The following SRR variants were observed in gnomAD, a reference collection of about 807,000 sequenced individuals.
The protein encoded by SRR is D-serine ammonia-lyase.
Under a neutral mutation model 32.7 loss-of-function variants are expected in SRR, and 19 were observed. The ratio of observed to expected loss-of-function variants is 0.58; its 90% CI spans 0.40 to 0.85. SRR has a LOEUF of 0.85. Among genes scored for constraint, SRR ranks in the 40% least tolerant of loss-of-function variants. The pLI, the probability that SRR is intolerant of heterozygous loss-of-function variation, is 0.00. For missense variants in SRR, 373 were observed against 404.7 expected, an observed-to-expected ratio of 0.92 and a Z score of 0.67; for synonymous variants, 142 against 140.9, an observed-to-expected ratio of 1.01 and a Z score of -0.06.
chr17:2,318,292 G>A (rs369287566), intron 3 of SRR, among the ~76,000 whole-genome samples: 31 of 151,408 alleles, frequency 2.0e-4, no homozygotes, highest in African/African-American at 4.6e-4. Context: ...CTACAGGTGC[G>A]CACCACCACG....
intron 2 of SRR, among the ~76,000 whole-genome samples, chr17:2,316,152 T>TA (rs1476917824): frequency 6.6e-6 from 1 of 152,188 alleles, no homozygotes; most frequent in Non-Finnish European, 1.5e-5. Context: ...CTCATTGTGT[T>TA]ATAGCTGCCT....
intron 1 of SRR, among the ~76,000 whole-genome samples, chr17:2,312,456 G>A (rs375404340): frequency 5.3e-5 from 8 of 151,796 alleles, no homozygotes; most frequent in South Asian, 2.1e-4. Flanking sequence ...TTAGCCTGGC[G>A]TGGTGGCACA....
At chr17:2,322,667 GTTTTT>G (rs1168184218) in intron 6 of SRR, 2 of 90,874 alleles carry the variant, frequency 2.2e-5, no homozygotes, top group African/African-American at 4.0e-5. Context: ...TGCCTGGCTA[GTTTTT>G]TTTTGTTTTT....
intron 4 of SRR, among the ~76,000 whole-genome samples, chr17:2,319,213 A>G (rs1345628661): frequency 6.6e-6 from 1 of 152,164 alleles, no homozygotes; most frequent in Non-Finnish European, 1.5e-5. Context: ...AAGGCATCTC[A>G]AACTACAGCT....
At chr17:2,310,705 A>G (rs1004544059) in intron 1 of SRR, among the ~76,000 whole-genome samples, 2 of 151,834 alleles carry the variant, frequency 1.3e-5, no homozygotes, top group Non-Finnish European at 2.9e-5. Flanking sequence ...CAGCCTCCCT[A>G]GTAGCTGGGA....
In SRR at chr17:2,321,679, C is replaced by G. The variant is rs537639330; in HGVS notation, c.594+63C>G. 3 of 1,466,592 alleles carry G rather than the reference C, an allele frequency of 2.0e-6. No homozygotes were observed. In the Admixed American group the frequency reaches 5.0e-5, roughly 25 times the overall value. 90.8% of individuals were successfully genotyped at this position (1,466,592 alleles called of 1,614,324 possible). A position where few individuals can be genotyped will look rare whatever the true frequency, so the allele number is the denominator to read the frequency against. ...GGATTTACTTTACATCCTAAATGTTCTGTATACACGTGCTCAACATTCTGC... is the reference window on the plus strand; with the variant it reads ...GGATTTACTTTACATCCTAAATGTTGTGTATACACGTGCTCAACATTCTGC... On this transcript the variant is annotated intron_variant, in intron 6 of 7. Transcript: ENST00000344595.
intron 1 of SRR, chr17:2,307,673 C>T (rs1473419933): frequency 2.7e-5 from 26 of 981,070 alleles, no homozygotes; most frequent in South Asian, 1.5e-4. Flanking sequence ...GTGGCTATGG[C>T]GGTTCCAGTA....
rs374791115 is a variant in SRR at position 2,323,370 on chromosome 17, T to C, written c.804+25T>C. The C allele has an allele frequency of 3.1e-5, 50 of 1,612,932 alleles. No individual in the cohort carries two copies. The African/African-American group carries it at 5.6e-4, about 18-fold the overall frequency. On this transcript the variant is annotated intron_variant, in intron 7 of 7. Transcript: ENST00000344595. ...GGTGAGGCTCCAGCAAGAAAAGAAATAGCAAAGCATGGTGTAACTTCTTAG... is the reference window on the plus strand; with the variant it reads ...GGTGAGGCTCCAGCAAGAAAAGAAACAGCAAAGCATGGTGTAACTTCTTAG...
intron 1 of SRR, among the ~76,000 whole-genome samples, chr17:2,313,834 CAA>C (rs2075451068): frequency 6.6e-6 from 1 of 152,098 alleles, no homozygotes; most frequent in Admixed American, 6.5e-5. Context: ...CCAAACCTAC[CAA>C]AGAGTTTTGT....
rs745783554 is a variant in SRR, at chr17:2,318,926, T to C, written c.396T>C (p.Asp132=). The C allele has an allele frequency of 1.2e-6, 2 of 1,608,844 alleles. No individual in the cohort carries two copies. The highest frequency in any genetic ancestry group is 2.2e-5 in the East Asian group (1 of 44,838). The change falls in exon 4 of 8, where the codon GAT becomes GAC. Residue 132 remains aspartate (D), a synonymous_variant. Transcript: ENST00000344595. ...GASIVYCEPS[D]ESRENVAKRV... is the part of the protein sequence containing the mutation. The stretch of plus-strand genomic sequence containing the variant: ...CAATTGTATACTGTGAACCTAGTGA[T>C]GAGGTAAGGAGAGCAGTGCTTGGTA...
chr17:2,317,809 T>C, intron 2 of SRR, 61 bp from the exon 3 acceptor site: 4 of 1,563,496 alleles, frequency 2.6e-6, no homozygotes, highest in Non-Finnish European at 3.5e-6. Flanking sequence ...CTAGAAAAGC[T>C]CCTTGCTTTC....
chr17:2,323,381 G>A, intron 7 of SRR, 36 bp downstream of exon 7: 1 of 1,611,544 alleles, frequency 6.2e-7, no homozygotes, highest in South Asian at 1.1e-5. Flanking sequence ...AGCAAAGCAT[G>A]GTGTAACTTC....
rs199812387 is a variant in SRR, at chr17:2,317,928, C to T, written c.227C>T (p.Pro76Leu). 6.8e-6 allele frequency: 11 copies of T among 1,613,880 alleles called. No homozygotes were observed. The highest frequency in any genetic ancestry group is 4.0e-5 in the African/African-American group (3 of 74,964). ...SLVPDALERK[P>L]KAVVTHSSGN... is the part of the protein sequence containing the mutation. ...GTTCCTGATGCTTTAGAAAGGAAGC[C>T]GAAAGCTGTTGTTACTCACAGCAGT... The change falls in exon 3 of 8, where the codon CCG becomes CTG. Residue 76 changes from proline to leucine, a missense_variant. Physicochemically the swap from Pro to Leu is moderately conservative, Grantham distance 98. Transcript: ENST00000344595.
At chr17:2,308,578 G>T (rs1390296666) in intron 1 of SRR, among the ~76,000 whole-genome samples, 1 of 152,098 alleles carries the variant, frequency 6.6e-6, no homozygotes, top group East Asian at 1.9e-4. Flanking sequence ...AAAATTTTTG[G>T]CTGGGCACGG....
intron 2 of SRR, 107 bp from the exon 3 acceptor site, chr17:2,317,763 G>A: frequency 2.5e-6 from 3 of 1,185,886 alleles, no homozygotes; most frequent in East Asian, 2.4e-5. Context: ...ATAAGATTTG[G>A]TGACAGATTG....
At chr17:2,303,717 C>T (rs1230614144), upstream of SRR, 2 of 1,492,424 alleles carry the variant, frequency 1.3e-6, no homozygotes, top group Non-Finnish European at 1.8e-6. Context: ...AGCCCTTCCG[C>T]CATCTTCGCG....
intron 2 of SRR, among the ~76,000 whole-genome samples, chr17:2,316,347 T>C (rs1378505119): frequency 6.6e-6 from 1 of 152,188 alleles, no homozygotes; most frequent in Non-Finnish European, 1.5e-5. Flanking sequence ...ATACCATCAC[T>C]TACTGTCCAA....
intron 7 of SRR, 36 bp downstream of exon 7, chr17:2,323,381 G>C: frequency 6.2e-7 from 1 of 1,611,544 alleles, no homozygotes; most frequent in East Asian, 2.2e-5. Flanking sequence ...AGCAAAGCAT[G>C]GTGTAACTTC....
In SRR at chr17:2,323,286, T is replaced by TG. The variant is rs775126066; in HGVS notation, c.747dup (p.Pro250AlafsTer9). Reference sequence around the variant, plus strand: ...CAAATCCAGCATTGGCTTGAACACCTGGCCTATTATCAGGGACCTTGTGGA... The same window carrying TG: ...CAAATCCAGCATTGGCTTGAACACCTGGGCCTATTATCAGGGACCTTGTGGA... On this transcript the variant is annotated frameshift_variant, in exon 7 of 8. Coordinates refer to ENST00000344595, the MANE Select transcript of SRR (RefSeq NM_021947.3). LOFTEE classifies it high-confidence loss of function. 6.2e-7 allele frequency: 1 copy of TG among 1,614,152 alleles called. No individual in the cohort carries two copies. Among genetic ancestry groups the TG allele is most frequent in the South Asian group, 1.1e-5 (1 of 91,082 alleles).
Sources: gnomAD v4.1 joint callset for allele counts (sites outside exome capture counted in the v4.1 genomes callset) on GRCh38, gnomAD v4.1.1 for gene constraint, MANE v1.5 for transcripts, NCBI Gene and HGNC (gene_info 2026-07-23, HGNC 2026-07-21) for gene names.